CYTH3: variants seen among roughly 807,000 people sequenced by gnomAD.
CYTH3 encodes cytohesin-3.
A neutral mutation model predicts 55.1 loss-of-function variants in CYTH3; 23 were observed. The ratio of observed to expected loss-of-function variants is 0.42; its 90% confidence interval spans 0.30 to 0.59. The LOEUF is 0.59. Among genes scored for constraint, CYTH3 ranks in the 20% least tolerant of loss-of-function variants. The probability of loss-of-function intolerance (pLI) is 0.20; values close to 1 mark genes in which losing one functional copy is unlikely to be tolerated. For missense variants in CYTH3, 413 were observed against 524.8 expected, an observed-to-expected ratio of 0.79 and a Z score of 2.08; for synonymous variants, 249 against 194.9, an observed-to-expected ratio of 1.28 and a Z score of -2.31.
rs139431907 is a variant in CYTH3 at position 6,218,749 on chromosome 7, G to A, written c.35-28218C>T. 8.5e-3 allele frequency among the ~76,000 whole-genome samples: 1,294 copies of A among 152,300 alleles called. 15 individuals are homozygous for A. The highest frequency in any genetic ancestry group is 0.03 in the African/African-American group (1,227 of 41,556). Reference sequence around the variant, plus strand: ...TTGCCAGGCACGGTGGCTCATGTCTGTAATCCTAGCACTTTGGGAGGCCGA... The same window carrying A: ...TTGCCAGGCACGGTGGCTCATGTCTATAATCCTAGCACTTTGGGAGGCCGA... On this transcript the variant is annotated intron_variant, in intron 1 of 12. Coordinates refer to ENST00000350796, the MANE Select transcript of CYTH3 (RefSeq NM_004227.4).
At position 6,210,086 on chromosome 7, in the gene CYTH3, C is replaced by T. The variant is rs540665292; in HGVS notation, c.35-19555G>A. Among the ~76,000 whole-genome samples the T allele has an allele frequency of 6.6e-5, 10 of 152,234 alleles. No homozygotes were observed. The East Asian group carries it at 1.7e-3, about 26-fold the overall frequency. Reference sequence around the variant, plus strand: ...ACCCCAAGGACCCCAAAAGGAAATGCTATTGTAAACCATAAACTTCAGTTA... The same window carrying T: ...ACCCCAAGGACCCCAAAAGGAAATGTTATTGTAAACCATAAACTTCAGTTA... On this transcript the variant is annotated intron_variant, in intron 1 of 12. Transcript: ENST00000350796.
intron 1 of CYTH3, among the ~76,000 whole-genome samples, chr7:6,197,620 T>C (rs975332593): frequency 1.3e-5 from 2 of 151,956 alleles, no homozygotes; most frequent in Non-Finnish European, 2.9e-5. Flanking sequence ...GAGGGGGAGA[T>C]TGCAGTGAGC....
At chr7:6,217,216 T>C (rs1784448661) in intron 1 of CYTH3, among the ~76,000 whole-genome samples, 1 of 152,154 alleles carries the variant, frequency 6.6e-6, no homozygotes, top group Non-Finnish European at 1.5e-5. Context: ...TCCTGGCCAA[T>C]AATCATCTTA....
intron 1 of CYTH3, among the ~76,000 whole-genome samples, chr7:6,259,782 ATAATATATATATATATAT>A (rs1780266571): frequency 4.5e-5 from 1 of 22,446 alleles, no homozygotes; most frequent in Non-Finnish European, 5.7e-5. Context: ...TTATATATAT[ATAATATATATATATATAT>A]ATATATATAT....
At chr7:6,266,437 T>C (rs149950091) in intron 1 of CYTH3, among the ~76,000 whole-genome samples, 58 of 152,344 alleles carry the variant, frequency 3.8e-4, no homozygotes, top group Admixed American at 7.2e-4. Context: ...GCTAAAATTA[T>C]TGAAATGTAA....
At chr7:6,268,208 G>C (rs1180770738) in intron 1 of CYTH3, among the ~76,000 whole-genome samples, 1 of 152,078 alleles carries the variant, frequency 6.6e-6, no homozygotes, top group Non-Finnish European at 1.5e-5. Context: ...TCACTCTGTT[G>C]CCCAGACTGG....
intron 1 of CYTH3, among the ~76,000 whole-genome samples, chr7:6,194,699 C>G (rs980789336): frequency 6.6e-6 from 1 of 151,242 alleles, no homozygotes; most frequent in Admixed American, 6.6e-5. Context: ...GTAAATAGGC[C>G]GGGCACGTGG....
intron 1 of CYTH3, among the ~76,000 whole-genome samples, chr7:6,237,902 G>C (rs1779567257): frequency 6.6e-6 from 1 of 152,164 alleles, no homozygotes; most frequent in Admixed American, 6.5e-5. Flanking sequence ...GCAAACCCAA[G>C]GCTGAGGAAC....
At chr7:6,202,255 G>T (rs542582250) in intron 1 of CYTH3, among the ~76,000 whole-genome samples, 2 of 152,120 alleles carry the variant, frequency 1.3e-5, no homozygotes, top group African/African-American at 2.4e-5. Context: ...GAAACCACAC[G>T]GAAGAGTCCC....
chr7:6,261,717 G>C (rs1490185894), intron 1 of CYTH3, among the ~76,000 whole-genome samples: 1 of 138,432 alleles, frequency 7.2e-6, no homozygotes, highest in Non-Finnish European at 1.6e-5. Context: ...AAAAAAAAAG[G>C]GCAAAGTGAT....
Position 6,225,296 on chromosome 7 carries a change from G to A in CYTH3, c.35-34765C>T, listed in dbSNP as rs149769903. Among the ~76,000 whole-genome samples, 1,001 of 151,974 alleles carry A rather than the reference G, an allele frequency of 6.6e-3. 12 individuals are homozygous for A. Among genetic ancestry groups the A allele is most frequent in the African/African-American group, 0.023 (949 of 41,432 alleles). On this transcript the variant is annotated intron_variant, in intron 1 of 12. Transcript: ENST00000350796. ...GCATAGAAATTGTTCTGGATACAAA[G>A]GTCAAGGTATGGGATAAACTGTTAA...
At position 6,187,038 on chromosome 7, in the gene CYTH3, G is replaced by A; in HGVS notation, c.249+12C>T. The A allele has an allele frequency of 6.2e-7, 1 of 1,612,164 alleles. No individual in the cohort carries two copies. The highest frequency in any genetic ancestry group is 8.5e-7 in the Non-Finnish European group (1 of 1,178,144). On this transcript the variant is annotated intron_variant, in intron 4 of 12. Transcript: ENST00000350796. ...TCTCCTGCAGGCCAGAAAAGGGAGA[G>A]CATTCTCTTACCTTTTTGGGATCCA...
Position 6,163,667 on chromosome 7 carries a change from G to C in CYTH3, c.*1277C>G, listed in dbSNP as rs1264657533. 6.6e-6 allele frequency: 1 copy of C among 152,264 alleles called. No homozygotes were observed. The highest frequency in any genetic ancestry group is 2.4e-5 in the African/African-American group (1 of 41,444). 9.4% of individuals were successfully genotyped at this position (152,264 alleles called of 1,614,324 possible). A position where few individuals can be genotyped will look rare whatever the true frequency, so the allele number is the denominator to read the frequency against. ...TGGAGTTTGACCAGTTCCACCACCG[G>C]CGTCTATCTGGGTTCTCTACGTGCC... On this transcript the variant is annotated 3_prime_UTR_variant, in exon 13 of 13. Coordinates refer to ENST00000350796, the MANE Select transcript of CYTH3 (RefSeq NM_004227.4).
chr7:6,189,261 C>T (rs1783737079), intron 2 of CYTH3, among the ~76,000 whole-genome samples: 1 of 152,144 alleles, frequency 6.6e-6, no homozygotes. Flanking sequence ...GAGTAAAGTA[C>T]ACAAGTGTGG....
intron 2 of CYTH3, among the ~76,000 whole-genome samples, chr7:6,188,352 A>C (rs114748741): frequency 0.021 from 3,226 of 151,796 alleles, 112 homozygotes; most frequent in African/African-American, 0.074. Context: ...AAAAAACAAA[A>C]AAACAAAAAA....
At chr7:6,267,052 A>C (rs1309345129) in intron 1 of CYTH3, among the ~76,000 whole-genome samples, 1 of 152,172 alleles carries the variant, frequency 6.6e-6, no homozygotes, top group Non-Finnish European at 1.5e-5. Flanking sequence ...AGGACTCCTG[A>C]GATCTGGTCG....
intron 1 of CYTH3, among the ~76,000 whole-genome samples, chr7:6,237,015 C>T (rs1048934857): frequency 6.6e-6 from 1 of 152,222 alleles, no homozygotes; most frequent in South Asian, 2.1e-4. Context: ...AAATGCATTT[C>T]TTTTCACAAC....
At chr7:6,239,660 A>C (rs1779621957) in intron 1 of CYTH3, among the ~76,000 whole-genome samples, 1 of 152,250 alleles carries the variant, frequency 6.6e-6, no homozygotes, top group Admixed American at 6.5e-5. Flanking sequence ...CAGTAAGATA[A>C]TTTGCTAAGC....
chr7:6,171,018 C>T lies in CYTH3; in HGVS notation c.563-40G>A, dbSNP rs1470298760. 4 of 1,610,904 alleles carry T rather than the reference C, an allele frequency of 2.5e-6. No homozygotes were observed. Among genetic ancestry groups the T allele is most frequent in the Non-Finnish European group, 3.4e-6 (4 of 1,178,812 alleles). ...GGGTGCTGGGCTCAGCCAGAACCTC[C>T]AGTGGACAGTGGGACCCCGCGTGCT... On this transcript the variant is annotated intron_variant, in intron 7 of 12. Transcript: ENST00000350796. This position sits in a 1 kb window ranked among gnomAD's most constrained non-coding sequence, Gnocchi z 6.7.
Sources: allele counts gnomAD v4.1 joint callset (sites outside exome capture counted in the v4.1 genomes callset), GRCh38; gene constraint gnomAD v4.1.1; non-coding constraint Gnocchi (gnomAD v3.1); transcripts MANE v1.5; gene names NCBI Gene and HGNC (gene_info 2026-07-23, HGNC 2026-07-21).